The following GRHL2 variants were observed in gnomAD, a reference collection of about 807,000 sequenced individuals.
GRHL2 encodes the protein grainyhead like transcription factor 2.
A neutral mutation model predicts 83.8 loss-of-function variants in GRHL2; 21 were observed. The ratio of observed to expected loss-of-function variants is 0.25; its 90% CI spans 0.18 to 0.36. The LOEUF is 0.36. Ranked by LOEUF, GRHL2 falls within the 10% of genes least tolerant of loss-of-function variation. The pLI, the probability that GRHL2 is intolerant of heterozygous loss-of-function variation, is 1.00. For missense variants in GRHL2, 623 were observed against 781.8 expected (o/e 0.80, Z 2.42); for synonymous variants, 280 against 278.9 (o/e 1.00, Z -0.04).
intron 9 of GRHL2, among the ~76,000 whole-genome samples, chr8:101,620,843 G>A (rs531220092): frequency 6.6e-6 from 1 of 151,984 alleles, no homozygotes; most frequent in Non-Finnish European, 1.5e-5. Context: ...GAGTGCAAGA[G>A]GACTGAGCAT....
intron 8 of GRHL2, among the ~76,000 whole-genome samples, chr8:101,602,957 G>A (rs1398167270): frequency 6.6e-6 from 1 of 152,136 alleles, no homozygotes; most frequent in Non-Finnish European, 1.5e-5. Flanking sequence ...TGGTCCTCAT[G>A]GGGCTGCAGT....
At chr8:101,678,355 G>C in the GRHL2 span, among the ~76,000 whole-genome samples, 1 of 152,126 alleles carries the variant, frequency 6.6e-6, no homozygotes, top group African/African-American at 2.4e-5. Flanking sequence ...ACTCCCACCC[G>C]AATACTGCGC....
intron 8 of GRHL2, among the ~76,000 whole-genome samples, chr8:101,601,832 T>A (rs1812520714): frequency 6.6e-6 from 1 of 152,246 alleles, no homozygotes; most frequent in Non-Finnish European, 1.5e-5. Context: ...TGGATACAAG[T>A]GCAGAACGTG....
At position 101,667,441 on chromosome 8, in the gene GRHL2, T is replaced by TG. The variant is rs1417930586; in HGVS notation, c.*743dup. On this transcript the variant is annotated 3_prime_UTR_variant, in exon 16 of 16. Coordinates refer to ENST00000646743, the MANE Select transcript of GRHL2 (RefSeq NM_024915.4). ...GACACAGACCTGGAGACCGTTTTAA[T>TG]GGGGGTTTTTGCCTCTGTGCCTGTT... is the stretch of plus-strand genomic sequence containing the variant. 2.0e-3 allele frequency: 302 copies of TG among 153,214 alleles called. 6 individuals are homozygous for TG. The highest frequency in any genetic ancestry group is 1.3e-4 in the Non-Finnish European group (9 of 68,488). 9.5% of individuals were successfully genotyped at this position (153,214 alleles called of 1,614,324 possible). A position where few individuals can be genotyped will look rare whatever the true frequency, so the allele number is the denominator to read the frequency against.
At chr8:101,636,097 T>C (rs1468187648) in intron 11 of GRHL2, among the ~76,000 whole-genome samples, 1 of 152,168 alleles carries the variant, frequency 6.6e-6, no homozygotes, top group Non-Finnish European at 1.5e-5. Flanking sequence ...CAGATAAAGA[T>C]GACAAAAGAC....
intron 1 of GRHL2, among the ~76,000 whole-genome samples, chr8:101,502,694 A>T (rs897645301): frequency 6.6e-6 from 1 of 151,938 alleles, no homozygotes; most frequent in African/African-American, 2.4e-5. Context: ...AAAATTTAGT[A>T]AGCTGAAAAC....
chr8:101,666,513 G>T, intron 15 of GRHL2, 76 bp from the exon 16 acceptor site: 1 of 837,898 alleles, frequency 1.2e-6, no homozygotes, highest in Non-Finnish European at 2.1e-6. Context: ...AGAACCCCCA[G>T]CCTGGAGCTC....
intron 2 of GRHL2, among the ~76,000 whole-genome samples, chr8:101,549,555 C>T (rs529075069): frequency 3.9e-5 from 6 of 152,140 alleles, no homozygotes; most frequent in African/African-American, 1.4e-4. Context: ...CTTTGTGCCA[C>T]CTGGTTGGAA....
chr8:101,644,890 C>T (rs1255159387), intron 13 of GRHL2, among the ~76,000 whole-genome samples: 1 of 151,674 alleles, frequency 6.6e-6, no homozygotes, highest in African/African-American at 2.4e-5. Flanking sequence ...CTCTGTCACC[C>T]AGGAGGTAGT....
chr8:101,654,259 A>G (rs77781144), intron 14 of GRHL2, among the ~76,000 whole-genome samples: 147 of 152,324 alleles, frequency 9.7e-4, no homozygotes, highest in Non-Finnish European at 1.8e-3. Context: ...CTTCATATCA[A>G]TATTCACATT....
At chr8:101,680,058 C>G in the GRHL2 span, among the ~76,000 whole-genome samples, 4 of 118,896 alleles carry the variant, frequency 3.4e-5, no homozygotes, top group Non-Finnish European at 6.9e-5. Context: ...ATGACAGGAT[C>G]AAATTCACAC....
downstream of GRHL2, among the ~76,000 whole-genome samples, chr8:101,671,816 C>G (rs545836940): frequency 6.6e-6 from 1 of 152,196 alleles, no homozygotes. Flanking sequence ...TCTCATATGT[C>G]CGGGTACTCC....
At chr8:101,616,828 G>A (rs1292028821) in intron 8 of GRHL2, among the ~76,000 whole-genome samples, 2 of 152,060 alleles carry the variant, frequency 1.3e-5, no homozygotes, top group Non-Finnish European at 2.9e-5. Flanking sequence ...ACCCATTGTG[G>A]GCTTGTGTGG....
chr8:101,606,379 T>C (rs1319136624), intron 8 of GRHL2, among the ~76,000 whole-genome samples: 4 of 152,184 alleles, frequency 2.6e-5, no homozygotes, highest in African/African-American at 9.7e-5. Flanking sequence ...GCATTAATAG[T>C]TTTGCCCCAT....
Position 101,611,024 on chromosome 8 carries a change from C to T in GRHL2, c.1099-8515C>T, listed in dbSNP as rs1812738367. On this transcript the variant is annotated intron_variant, in intron 8 of 15. Transcript: ENST00000646743. ...TAACCAGCGACTGCAGACATCTGGA[C>T]AGCAGTGAGTGTCCGAGGAGGCTGG... Among the ~76,000 whole-genome samples the T allele has an allele frequency of 1.3e-5, 2 of 151,020 alleles. 1 individual carries two copies. The highest frequency in any genetic ancestry group is 5.0e-5 in the African/African-American group (2 of 40,400).
At chr8:101,625,999 C>T (rs540095928) in intron 9 of GRHL2, among the ~76,000 whole-genome samples, 3 of 152,116 alleles carry the variant, frequency 2.0e-5, no homozygotes, top group Non-Finnish European at 4.4e-5. Flanking sequence ...AAATCTTTTG[C>T]TGTAATTTGT....
At chr8:101,641,239 A>T (rs186606127) in intron 12 of GRHL2, among the ~76,000 whole-genome samples, 1 of 152,322 alleles carries the variant, frequency 6.6e-6, no homozygotes. Context: ...TTGAAAATAA[A>T]TGGATTCAGA....
intron 1 of GRHL2, among the ~76,000 whole-genome samples, chr8:101,538,345 T>C: frequency 6.6e-6 from 1 of 152,108 alleles, no homozygotes; most frequent in Non-Finnish European, 1.5e-5. Flanking sequence ...CACAGCTGCA[T>C]GGTCCCTTTC....
At chr8:101,533,712 G>A (rs1189282673) in intron 1 of GRHL2, among the ~76,000 whole-genome samples, 1 of 152,206 alleles carries the variant, frequency 6.6e-6, no homozygotes. Context: ...GGGTAGTCAG[G>A]TTAAGTCTCA....
Sources: allele counts gnomAD v4.1 joint callset (sites outside exome capture counted in the v4.1 genomes callset), GRCh38; gene constraint gnomAD v4.1.1; transcripts MANE v1.5; gene names NCBI Gene and HGNC (gene_info 2026-07-23, HGNC 2026-07-21).